The following EHHADH variants were observed in gnomAD, a reference collection of about 807,000 sequenced individuals.
The protein encoded by EHHADH is peroxisomal bifunctional enzyme.
EHHADH carries 48 observed loss-of-function variants against 64.4 expected under a neutral mutation model. That is an observed-to-expected ratio of 0.75 (90% CI 0.59 to 0.95). The LOEUF (loss-of-function observed/expected upper bound fraction) is 0.95. EHHADH is among the 40% of genes least tolerant of loss of function. The pLI is 0.00. For missense variants in EHHADH, 854 were observed against 876.6 expected (o/e 0.97, Z 0.33); for synonymous variants, 308 against 326.7 (o/e 0.94, Z 0.62).
chr3:185,242,207 G>A (rs539569511), intron 2 of EHHADH, among the ~76,000 whole-genome samples: 1 of 152,256 alleles, frequency 6.6e-6, no homozygotes, highest in South Asian at 2.1e-4. Context: ...GCTCATGGAT[G>A]GGTAGAATCA....
chr3:185,195,843 T>G (rs1718044498), intron 6 of EHHADH, among the ~76,000 whole-genome samples: 1 of 151,942 alleles, frequency 6.6e-6, no homozygotes, highest in South Asian at 2.1e-4. Flanking sequence ...ACTACTTGAG[T>G]GAACATTAGA....
At chr3:185,217,449 G>A (rs184833280) in intron 5 of EHHADH, among the ~76,000 whole-genome samples, 41 of 150,506 alleles carry the variant, frequency 2.7e-4, no homozygotes, top group African/African-American at 7.1e-4. Flanking sequence ...GGGCTGCTGA[G>A]GCAAGAGAAT....
At chr3:185,237,877 T>C (rs1326931226) in intron 2 of EHHADH, among the ~76,000 whole-genome samples, 2 of 152,130 alleles carry the variant, frequency 1.3e-5, no homozygotes, top group Non-Finnish European at 1.5e-5. Flanking sequence ...ATTGTACCAC[T>C]TGGTAACTTT....
chr3:185,194,852 T>C (rs1353449592), intron 6 of EHHADH, among the ~76,000 whole-genome samples: 2 of 116,194 alleles, frequency 1.7e-5, no homozygotes, highest in African/African-American at 3.3e-5. Context: ...TTTAAGACAG[T>C]GTAAGATAGT....
At chr3:185,252,572 TTTTC>T (rs1719780104) in intron 1 of EHHADH, among the ~76,000 whole-genome samples, 1 of 152,200 alleles carries the variant, frequency 6.6e-6, no homozygotes, top group Non-Finnish European at 1.5e-5. Context: ...TTACTTACAT[TTTTC>T]TTTGTCAAAA....
At chr3:185,248,640 T>G in intron 1 of EHHADH, 123 bp from the exon 2 acceptor site, 1 of 643,562 alleles carries the variant, frequency 1.6e-6, no homozygotes, top group Non-Finnish European at 2.6e-6. Flanking sequence ...CTGTAGATAC[T>G]TCTCAATAAA....
At chr3:185,227,783 G>A (rs536034793) in intron 4 of EHHADH, among the ~76,000 whole-genome samples, 13 of 151,768 alleles carry the variant, frequency 8.6e-5, no homozygotes, top group South Asian at 2.1e-4. Flanking sequence ...TTGAGATCGC[G>A]CCATTGCACT....
Position 185,248,472 on chromosome 3 carries a change from T to C in EHHADH, c.120A>G (p.Val40=), listed in dbSNP as rs566693656. The C allele has an allele frequency of 1.3e-4, 206 of 1,614,088 alleles. 1 individual carries two copies. The highest frequency in any genetic ancestry group is 1.6e-4 in the Non-Finnish European group (191 of 1,179,966). The change falls in exon 2 of 7, where the codon GTA becomes GTG. Residue 40 remains valine (V), a synonymous_variant. Coordinates refer to ENST00000231887, the MANE Select transcript of EHHADH (RefSeq NM_001966.4). ...RDIKEGLQKA[V]IDHTIKAIVI... Reference sequence around the variant, plus strand: ...CAATGGCTTTTATTGTATGGTCTATTACAGCTTTCTGTAGTCCTTCTTTTA... The same window carrying C: ...CAATGGCTTTTATTGTATGGTCTATCACAGCTTTCTGTAGTCCTTCTTTTA...
At chr3:185,245,802 T>C in intron 2 of EHHADH, 1 of 733,060 alleles carries the variant, frequency 1.4e-6, no homozygotes, top group South Asian at 1.6e-5. Flanking sequence ...GAAGAAGTTT[T>C]CTTGGTTCCT....
At chr3:185,205,102 T>C (rs1718349961) in intron 5 of EHHADH, among the ~76,000 whole-genome samples, 1 of 151,558 alleles carries the variant, frequency 6.6e-6, no homozygotes, top group African/African-American at 2.4e-5. Flanking sequence ...TAATTAATAT[T>C]AATATATTAA....
chr3:185,244,084 AC>A (rs1719527253), intron 2 of EHHADH, among the ~76,000 whole-genome samples: 1 of 152,064 alleles, frequency 6.6e-6, no homozygotes, highest in Non-Finnish European at 1.5e-5. Flanking sequence ...CTTGTATTGA[AC>A]CCTTTATTAT....
At chr3:185,222,379 T>A (rs1718860970) in intron 4 of EHHADH, among the ~76,000 whole-genome samples, 1 of 152,056 alleles carries the variant, frequency 6.6e-6, no homozygotes, top group South Asian at 2.1e-4. Context: ...GGAGATACCA[T>A]CTCAGAAAAA....
intron 4 of EHHADH, among the ~76,000 whole-genome samples, chr3:185,227,698 T>C (rs538521969): frequency 1.3e-5 from 2 of 152,066 alleles, no homozygotes; most frequent in South Asian, 4.1e-4. Context: ...TGGAGGTGCA[T>C]GCCTGTAATC....
chr3:185,214,663 C>T (rs1479611253), intron 5 of EHHADH, among the ~76,000 whole-genome samples: 1 of 152,182 alleles, frequency 6.6e-6, no homozygotes, highest in African/African-American at 2.4e-5. Context: ...CACGCACACA[C>T]TTGTAAAATT....
intron 2 of EHHADH, among the ~76,000 whole-genome samples, chr3:185,238,156 C>A (rs890851968): frequency 6.6e-6 from 1 of 152,078 alleles, no homozygotes; most frequent in African/African-American, 2.4e-5. Flanking sequence ...ATCTAATCAA[C>A]CATTGATAGA....
At chr3:185,225,010 G>T (rs1489134014) in intron 4 of EHHADH, among the ~76,000 whole-genome samples, 4 of 152,230 alleles carry the variant, frequency 2.6e-5, no homozygotes, top group Non-Finnish European at 5.9e-5. Context: ...TTGGGGGCCA[G>T]ATACCGTTTA....
chr3:185,247,764 T>G (rs1321437363), intron 2 of EHHADH, among the ~76,000 whole-genome samples: 4 of 152,202 alleles, frequency 2.6e-5, no homozygotes, highest in Non-Finnish European at 5.9e-5. Context: ...AAGGGTATAA[T>G]GTATGAATAT....
intron 6 of EHHADH, among the ~76,000 whole-genome samples, chr3:185,202,207 G>A (rs571462221): frequency 1.2e-4 from 19 of 152,050 alleles, no homozygotes; most frequent in East Asian, 1.9e-4. Flanking sequence ...GCTTGGTGGC[G>A]CAGCACCTGT....
intron 2 of EHHADH, among the ~76,000 whole-genome samples, chr3:185,247,405 T>G (rs1274517128): frequency 6.6e-6 from 1 of 152,104 alleles, no homozygotes; most frequent in Non-Finnish European, 1.5e-5. Context: ...TTCCAAACAG[T>G]GAGTAAGCCA....
Sources: gnomAD v4.1 joint callset for allele counts (sites outside exome capture counted in the v4.1 genomes callset) on GRCh38, gnomAD v4.1.1 for gene constraint, MANE v1.5 for transcripts, NCBI Gene and HGNC (gene_info 2026-07-23, HGNC 2026-07-21) for gene names.